ANO1: variants seen among roughly 807,000 people sequenced by gnomAD.
ANO1 encodes the protein anoctamin-1.
A neutral mutation model predicts 124.0 loss-of-function variants in ANO1; 59 were observed. The observed-to-expected ratio is 0.48, with a 90% CI of 0.39 to 0.59. The LOEUF is 0.59. ANO1 is among the 20% of genes least tolerant of loss of function. The pLI, the probability that ANO1 is intolerant of heterozygous loss-of-function variation, is 0.00. For missense variants in ANO1, 1,059 were observed against 1,328.0 expected, an observed-to-expected ratio of 0.80 and a Z score of 3.15; for synonymous variants, 529 against 532.0, an observed-to-expected ratio of 0.99 and a Z score of 0.08.
In ANO1 at chr11:69,988,898, TGAA is replaced by T. The variant is rs1856099078; in HGVS notation, c.58+2734_58+2736del. On this transcript the variant is annotated intron_variant, in intron 1 of 27. Coordinates refer to the ANO1 transcript ENST00000531349. Reference sequence around the variant, plus strand: ...CACTAATAGTATCCTGGGCACCAAGTGAAGGAGGGAGGGAATGAGGAAGGAAGG... The same window carrying T: ...CACTAATAGTATCCTGGGCACCAAGTGGAGGGAGGGAATGAGGAAGGAAGG... Among the ~76,000 whole-genome samples the T allele has an allele frequency of 2.1e-5, 3 of 143,172 alleles. No homozygotes were observed. In the South Asian group the frequency reaches 6.5e-4, roughly 31 times the overall value. 93.9% of individuals were successfully genotyped at this position (143,172 alleles called of 152,430 possible).
chr11:70,139,988 T>C (rs1041282976), intron 11 of ANO1, among the ~76,000 whole-genome samples: 4 of 152,164 alleles, frequency 2.6e-5, no homozygotes, highest in Admixed American at 1.3e-4. Context: ...TCCACAAAAA[T>C]ACACCTCCTT....
chr11:70,110,174 T>C (rs1298591587), intron 6 of ANO1, among the ~76,000 whole-genome samples: 1 of 149,686 alleles, frequency 6.7e-6, no homozygotes, highest in Non-Finnish European at 1.5e-5. Context: ...TGAGGGCCTA[T>C]GTTCACTTTC....
intron 1 of ANO1, among the ~76,000 whole-genome samples, chr11:70,048,845 C>A (rs1179649080): frequency 6.6e-6 from 1 of 152,028 alleles, no homozygotes; most frequent in East Asian, 1.9e-4. Flanking sequence ...CTTGGGGGGG[C>A]CTACTTGCCT....
At chr11:69,979,542 A>G in the ANO1 span, among the ~76,000 whole-genome samples, 73,144 of 152,000 alleles carry the variant, frequency 0.48, 18,465 homozygotes, top group East Asian at 0.7. Flanking sequence ...AATAAAGTGG[A>G]TATTTAATTC....
At chr11:70,134,619 C>T (rs1481902176) in intron 11 of ANO1, among the ~76,000 whole-genome samples, 1 of 152,138 alleles carries the variant, frequency 6.6e-6, no homozygotes, top group Non-Finnish European at 1.5e-5. Context: ...AGTGTGCGTG[C>T]GCCTGGTGTG....
rs797039328 is a variant in ANO1, at chr11:70,022,899, G to A, written c.58+36733G>A. Among the ~76,000 whole-genome samples, 14 of 152,318 alleles carry A rather than the reference G, an allele frequency of 9.2e-5. No homozygotes were observed. The East Asian group carries it at 2.7e-3, about 29-fold the overall frequency. ...CAACATCATCACAGGGAGCTTATAA[G>A]TAAGAGGAGGCAGGGGAAGCAGAGT... is the stretch of plus-strand genomic sequence containing the variant. On this transcript the variant is annotated intron_variant, in intron 1 of 27. Transcript: ENST00000531349.
rs766600430 is a variant in ANO1, at chr11:70,105,789, G to C, written c.747+1G>C. ...CGACAGCAAAACCCGGAGCACGATT[G>C]TAAGTATCGCACGCGCCTGGAAACG... is the stretch of plus-strand genomic sequence containing the variant. On this transcript the variant is annotated splice_donor_variant, in intron 5 of 25. Transcript: ENST00000355303. LOFTEE classifies it high-confidence loss of function. 1 of 1,613,406 alleles carries C rather than the reference G, an allele frequency of 6.2e-7. No individual in the cohort carries two copies. Among genetic ancestry groups the C allele is most frequent in the African/African-American group, 1.3e-5 (1 of 75,000 alleles).
At chr11:70,058,847 C>T (rs995492565) in intron 1 of ANO1, among the ~76,000 whole-genome samples, 3 of 151,910 alleles carry the variant, frequency 2.0e-5, no homozygotes, top group East Asian at 1.9e-4. Flanking sequence ...CACTGAATAC[C>T]GAGAGCCTGA....
intron 1 of ANO1, among the ~76,000 whole-genome samples, chr11:69,990,713 T>C (rs1856137345): frequency 1.4e-5 from 2 of 146,296 alleles, no homozygotes; most frequent in Admixed American, 6.9e-5. Flanking sequence ...CATTGTGGCT[T>C]TGATTTTCAC....
chr11:70,131,491 C>A (rs1590817623), intron 10 of ANO1, among the ~76,000 whole-genome samples: 1 of 152,248 alleles, frequency 6.6e-6, no homozygotes. Context: ...CCATGCCCGG[C>A]TAATTTTTGT....
At chr11:70,045,796 C>T (rs1313048668) in intron 1 of ANO1, among the ~76,000 whole-genome samples, 2 of 152,156 alleles carry the variant, frequency 1.3e-5, no homozygotes, top group East Asian at 3.8e-4. Context: ...AAGGAGGACT[C>T]CTGTGTTGTG....
chr11:70,080,574 T>C (rs985181260), intron 1 of ANO1, among the ~76,000 whole-genome samples: 1 of 152,146 alleles, frequency 6.6e-6, no homozygotes, highest in African/African-American at 2.4e-5. Flanking sequence ...GAGCCTGTCA[T>C]GAATAGCCCC....
At chr11:70,134,230 A>T (rs1410122786) in intron 11 of ANO1, among the ~76,000 whole-genome samples, 1 of 152,062 alleles carries the variant, frequency 6.6e-6, no homozygotes. Context: ...CTGTTTCCTC[A>T]TTTGGGACCC....
intron 1 of ANO1, among the ~76,000 whole-genome samples, chr11:70,040,795 G>GC (rs1172190633): frequency 5.3e-5 from 8 of 152,360 alleles, no homozygotes; most frequent in Non-Finnish European, 1.2e-4. Context: ...AGCTGCCTTG[G>GC]AAAGGAGACT....
At chr11:70,107,581 G>T (rs1422180125) in intron 5 of ANO1, among the ~76,000 whole-genome samples, 11 of 151,194 alleles carry the variant, frequency 7.3e-5, no homozygotes. Context: ...GAATTGGCAT[G>T]CTCTGAAATG....
At chr11:70,104,207 T>C in intron 4 of ANO1, 57 bp downstream of exon 4, 1 of 1,525,858 alleles carries the variant, frequency 6.6e-7, no homozygotes, top group South Asian at 1.2e-5. Flanking sequence ...GGATTTAACC[T>C]TCTAGCATGA....
intron 7 of ANO1, among the ~76,000 whole-genome samples, chr11:70,114,424 C>T (rs1031009691): frequency 2.0e-5 from 3 of 152,218 alleles, no homozygotes; most frequent in African/African-American, 7.2e-5. Flanking sequence ...TGTCCTTACC[C>T]AGAATACTGA....
intron 8 of ANO1, among the ~76,000 whole-genome samples, chr11:70,121,896 G>A (rs11234813): frequency 0.2 from 1,415 of 7,068 alleles, 337 homozygotes; most frequent in Non-Finnish European, 0.22. Context: ...CATCTCCCCC[G>A]CCTCTCTGTC....
the ANO1 span, among the ~76,000 whole-genome samples, chr11:69,980,607 T>G: frequency 6.8e-6 from 1 of 146,396 alleles, no homozygotes; most frequent in East Asian, 2.1e-4. Flanking sequence ...GGTGACAGAG[T>G]AAGACTGTCT....
Sources: gnomAD v4.1 joint callset for allele counts (sites outside exome capture counted in the v4.1 genomes callset) on GRCh38, gnomAD v4.1.1 for gene constraint, MANE v1.5 for transcripts, NCBI Gene and HGNC (gene_info 2026-07-23, HGNC 2026-07-21) for gene names.